SYT1: variants seen among roughly 807,000 people sequenced by gnomAD.
SYT1 encodes synaptotagmin-1.
A neutral mutation model predicts 44.8 loss-of-function variants in SYT1; 8 were observed. That is an observed-to-expected ratio of 0.18 (90% confidence interval 0.10 to 0.32). The LOEUF (loss-of-function observed/expected upper bound fraction) is 0.32, where lower values mean the gene tolerates loss of function less well. Among genes scored for constraint, SYT1 ranks in the 10% least tolerant of loss-of-function variants. The pLI is 1.00. For missense variants in SYT1, 286 were observed against 509.3 expected, an observed-to-expected ratio of 0.56 and a Z score of 4.22; for synonymous variants, 154 against 188.8, an observed-to-expected ratio of 0.82 and a Z score of 1.51.
In SYT1 at chr12:79,250,653, A is replaced by G. The variant is rs17005438; in HGVS notation, c.166+32968A>G. Among the ~76,000 whole-genome samples, 1,304 of 152,252 alleles carry G rather than the reference A, an allele frequency of 8.6e-3. 11 individuals carry two copies. Among genetic ancestry groups the G allele is most frequent in the African/African-American group, 0.03 (1,235 of 41,544 alleles). ...TTTTGTTATAATAACCCAGAACTAGAAGAATCTTCATATGATAAAATGGAT... is the reference window on the plus strand; with the variant it reads ...TTTTGTTATAATAACCCAGAACTAGGAGAATCTTCATATGATAAAATGGAT... On this transcript the variant is annotated intron_variant, in intron 4 of 10. Transcript: ENST00000261205.
chr12:78,960,555 G>T (rs893972190), intron 1 of SYT1: 3 of 152,092 alleles, frequency 2.0e-5, no homozygotes, highest in East Asian at 1.9e-4. Flanking sequence ...ATGTTCTCGC[G>T]TGCTTCCTGC....
At chr12:79,050,260 G>A (rs1218728319) in intron 3 of SYT1, among the ~76,000 whole-genome samples, 8 of 151,990 alleles carry the variant, frequency 5.3e-5, no homozygotes, top group African/African-American at 1.9e-4. Context: ...AAGTGGAAGT[G>A]GATCATCATA....
chr12:79,253,523 C>T (rs61928764), intron 4 of SYT1, among the ~76,000 whole-genome samples: 36 of 133,488 alleles, frequency 2.7e-4, no homozygotes, highest in African/African-American at 3.8e-4. Flanking sequence ...CTCTCTCTCT[C>T]TCACCTCAGA....
intron 4 of SYT1, among the ~76,000 whole-genome samples, chr12:79,271,076 T>A (rs1431519767): frequency 1.3e-5 from 2 of 152,224 alleles, no homozygotes; most frequent in East Asian, 3.8e-4. Context: ...TTTGGAAGCA[T>A]GAACTTGACA....
At position 79,371,577 on chromosome 12, in the gene SYT1, A is replaced by G. The variant is rs140169868; in HGVS notation, c.928+17958A>G. ...ATTTCTGCTGGAAAATAATGTCCAG[A>G]AGGAATTTGTGTTCTATTCAATGAC... On this transcript the variant is annotated intron_variant, in intron 9 of 10. Transcript: ENST00000261205. Among the ~76,000 whole-genome samples the G allele has an allele frequency of 4.4e-3, 666 of 152,292 alleles. 3 individuals carry two copies. The highest frequency in any genetic ancestry group is 0.014 in the African/African-American group (596 of 41,558).
chr12:78,899,030 C>T (rs1172322106), intron 1 of SYT1, among the ~76,000 whole-genome samples: 2 of 152,020 alleles, frequency 1.3e-5, no homozygotes, highest in Non-Finnish European at 2.9e-5. Context: ...ATTTGCTCAA[C>T]ACTGGCATGA....
intron 1 of SYT1, among the ~76,000 whole-genome samples, chr12:78,930,253 AAACAT>A (rs1482247333): frequency 6.6e-6 from 1 of 152,176 alleles, no homozygotes; most frequent in Admixed American, 6.5e-5. Context: ...AGATGGATGA[AAACAT>A]CACATTGTAC....
At position 78,896,956 on chromosome 12, in the gene SYT1, T is replaced by A. The variant is rs915126176; in HGVS notation, c.-217+31847T>A. Among the ~76,000 whole-genome samples, 5 of 151,950 alleles carry A rather than the reference T, an allele frequency of 3.3e-5. No individual in the cohort carries two copies. The East Asian group carries it at 5.8e-4, about 18-fold the overall frequency. On this transcript the variant is annotated intron_variant, in intron 1 of 10. Coordinates refer to ENST00000261205, the MANE Select transcript of SYT1 (RefSeq NM_005639.3). ...AATGGAAACCTATAATTAAATAATT[T>A]ACCTTCCTTAAGTCTGAGAACCTCA...
chr12:79,354,043 A>C (rs1372291035), intron 9 of SYT1, among the ~76,000 whole-genome samples: 1 of 152,218 alleles, frequency 6.6e-6, no homozygotes, highest in Non-Finnish European at 1.5e-5. Context: ...AGTTCCTACG[A>C]TACCATTTAT....
At chr12:78,875,889 T>C (rs2137043194) in intron 1 of SYT1, among the ~76,000 whole-genome samples, 1 of 151,854 alleles carries the variant, frequency 6.6e-6, no homozygotes, top group South Asian at 2.1e-4. Flanking sequence ...TGTATATTCC[T>C]CAGACACTTT....
intron 3 of SYT1, among the ~76,000 whole-genome samples, chr12:79,211,456 A>G (rs1037521478): frequency 6.6e-5 from 10 of 152,062 alleles, no homozygotes; most frequent in African/African-American, 1.9e-4. Context: ...TATTATTATT[A>G]TACTTTAAGT....
intron 1 of SYT1, among the ~76,000 whole-genome samples, chr12:78,935,619 G>A (rs1321314077): frequency 6.6e-6 from 1 of 151,754 alleles, no homozygotes; most frequent in Non-Finnish European, 1.5e-5. Flanking sequence ...TGAGAACTAA[G>A]AAAAAATAAA....
At chr12:78,943,451 A>G (rs1878492780) in intron 1 of SYT1, among the ~76,000 whole-genome samples, 1 of 152,180 alleles carries the variant, frequency 6.6e-6, no homozygotes, top group African/African-American at 2.4e-5. Context: ...ACAAGCTTCT[A>G]AACAAATAGA....
At chr12:79,145,736 GGTTTT>G (rs1869840796) in intron 3 of SYT1, among the ~76,000 whole-genome samples, 1 of 145,734 alleles carries the variant, frequency 6.9e-6, no homozygotes, top group African/African-American at 2.7e-5. Flanking sequence ...TAAACATAGT[GGTTTT>G]TTTTTTTTTT....
chr12:79,301,888 T>C (rs962750130), intron 8 of SYT1, among the ~76,000 whole-genome samples: 1 of 152,174 alleles, frequency 6.6e-6, no homozygotes, highest in Non-Finnish European at 1.5e-5. Context: ...AAGGTATAGG[T>C]TATAAAAAAC....
chr12:79,287,937 T>G (rs952136817), intron 5 of SYT1, among the ~76,000 whole-genome samples: 3 of 152,188 alleles, frequency 2.0e-5, no homozygotes, highest in African/African-American at 7.2e-5. Flanking sequence ...ATTTAGAATT[T>G]CAACCACTCA....
Position 79,449,266 on chromosome 12 carries a change from T to A in SYT1, c.*142T>A. 1.1e-6 allele frequency: 1 copy of A among 883,350 alleles called. No individual in the cohort carries two copies. Among genetic ancestry groups the A allele is most frequent in the Admixed American group, 2.8e-5 (1 of 35,606 alleles). 54.7% of individuals were successfully genotyped at this position (883,350 alleles called of 1,614,324 possible). ...AGTGGTACTTGGAATCCTGTTTTAA[T>A]TTGCACAAATTTAAATGTAGAGAGC... On this transcript the variant is annotated 3_prime_UTR_variant, in exon 11 of 11. Transcript: ENST00000261205.
At position 78,922,177 on chromosome 12, in the gene SYT1, G is replaced by C. The variant is rs150863625; in HGVS notation, c.-216-55622G>C. On this transcript the variant is annotated intron_variant, in intron 1 of 10. Transcript: ENST00000261205. The stretch of plus-strand genomic sequence containing the variant: ...ATTCTTTGAACAGTTTGAAGAACTT[G>C]AACTGGAATATCTCTTACACTAAGC... Among the ~76,000 whole-genome samples the C allele has an allele frequency of 4.0e-3, 607 of 151,988 alleles. 5 individuals carry two copies. Among genetic ancestry groups the C allele is most frequent in the African/African-American group, 0.014 (572 of 41,506 alleles).
chr12:79,334,079 A>C (rs1380314432), intron 8 of SYT1, among the ~76,000 whole-genome samples: 1 of 152,180 alleles, frequency 6.6e-6, no homozygotes, highest in Admixed American at 6.6e-5. Flanking sequence ...TCTTCAAAAA[A>C]AAGTTACTGA....
Sources: gnomAD v4.1 joint callset for allele counts (sites outside exome capture counted in the v4.1 genomes callset) on GRCh38, gnomAD v4.1.1 for gene constraint, MANE v1.5 for transcripts, NCBI Gene and HGNC (gene_info 2026-07-23, HGNC 2026-07-21) for gene names.